Variants in CEP89 observed in about 807,000 individuals in gnomAD.
The protein encoded by CEP89 is centrosomal protein 89, also known as centrosomal protein of 89 kDa.
In CEP89, 95 loss-of-function variants were observed where a neutral mutation model predicts 97.6. That is an observed-to-expected ratio of 0.97 (90% CI 0.82 to 1.15). The LOEUF is 1.15. CEP89 is among the 50% of genes most tolerant of loss of function. The pLI, the probability that CEP89 is intolerant of heterozygous loss-of-function variation, is 0.00. For missense variants in CEP89, 869 were observed against 947.7 expected, an observed-to-expected ratio of 0.92 and a Z score of 1.09; for synonymous variants, 354 against 349.1, an observed-to-expected ratio of 1.01 and a Z score of -0.16.
chr19:32,971,033 A>G (rs181058038), intron 1 of CEP89: 1 of 152,406 alleles, frequency 6.6e-6, no homozygotes, highest in Admixed American at 6.5e-5. Flanking sequence ...AAACTAAATT[A>G]AATAATAAAT....
At chr19:32,951,275 C>G (rs1368303651) in intron 4 of CEP89, among the ~76,000 whole-genome samples, 1 of 152,078 alleles carries the variant, frequency 6.6e-6, no homozygotes, top group Non-Finnish European at 1.5e-5. Context: ...CACCTGAGGT[C>G]AGGAGTTCGA....
intron 3 of CEP89, among the ~76,000 whole-genome samples, chr19:32,957,746 G>A (rs572295281): frequency 1.4e-4 from 21 of 152,252 alleles, no homozygotes; most frequent in Admixed American, 2.6e-4. Context: ...AGAGGCAAAG[G>A]TTGCAGTGAG....
chr19:32,956,559 G>T (rs1971053661), intron 3 of CEP89, among the ~76,000 whole-genome samples: 2 of 151,610 alleles, frequency 1.3e-5, no homozygotes. Context: ...AGAGATGGGG[G>T]TCTCACTTTG....
At chr19:32,962,356 A>C (rs775326335) in intron 2 of CEP89, among the ~76,000 whole-genome samples, 5 of 152,222 alleles carry the variant, frequency 3.3e-5, no homozygotes, top group Non-Finnish European at 7.3e-5. Flanking sequence ...CCAGCCATGC[A>C]GAACTGTGAG....
At chr19:32,907,490 C>T (rs1010877914) in intron 14 of CEP89, among the ~76,000 whole-genome samples, 17 of 147,252 alleles carry the variant, frequency 1.2e-4, no homozygotes, top group African/African-American at 2.3e-4. Context: ...CTCACTTTGT[C>T]GCCCAGGCTG....
At chr19:32,962,907 A>ATGGT (rs1219196202) in intron 2 of CEP89, among the ~76,000 whole-genome samples, 2 of 152,190 alleles carry the variant, frequency 1.3e-5, no homozygotes, top group Non-Finnish European at 2.9e-5. Context: ...CCTTCCCAAG[A>ATGGT]TGGTTCTTAG....
intron 16 of CEP89, among the ~76,000 whole-genome samples, chr19:32,899,457 C>T (rs1271431830): frequency 6.6e-6 from 1 of 152,086 alleles, no homozygotes; most frequent in Non-Finnish European, 1.5e-5. Context: ...TTTTAAAATA[C>T]AGATGGTTCT....
At chr19:32,900,888 C>CTTTTTTTTTTTT (rs34188586) in intron 15 of CEP89, among the ~76,000 whole-genome samples, 1 of 138,164 alleles carries the variant, frequency 7.2e-6, no homozygotes, top group African/African-American at 2.7e-5. Flanking sequence ...CTTCATTTGT[C>CTTTTTTTTTTTT]TTTTTTTTTT....
rs768022221 is a variant in CEP89 at position 32,953,751 on chromosome 19, TCAAAGGATGG to T, written c.346_355del (p.Pro116LysfsTer53). 5.0e-6 allele frequency: 8 copies of T among 1,614,032 alleles called. No individual in the cohort carries two copies. In the African/African-American group the frequency reaches 1.1e-4, roughly 22 times the overall value. The stretch of plus-strand genomic sequence containing the variant: ...CTCTTCGTCCCCATAGTCCAGTGTT[TCAAAGGATGG>T]CAAAGAAGATCTTCTTCCCATCTCA... On this transcript the variant is annotated frameshift_variant, in exon 4 of 19. Transcript: ENST00000305768. LOFTEE classifies it high-confidence loss of function.
chr19:32,887,083 T>C (rs1003401428), intron 17 of CEP89, among the ~76,000 whole-genome samples: 5 of 151,146 alleles, frequency 3.3e-5, no homozygotes, highest in African/African-American at 9.7e-5. Flanking sequence ...CCCAGCTACT[T>C]GGGAGGCTGA....
At position 32,892,101 on chromosome 19, in the gene CEP89, T is replaced by C. The variant is rs545824311; in HGVS notation, c.1876-4260A>G. On this transcript the variant is annotated intron_variant, in intron 16 of 18. Transcript: ENST00000305768. ...AAATACAGAATTCTAAATATATATA[T>C]ATATATTTAGACATACATATATTTA... is the stretch of plus-strand genomic sequence containing the variant. Among the ~76,000 whole-genome samples the C allele has an allele frequency of 4.8e-5, 7 of 147,132 alleles. No homozygotes were observed. In the South Asian group the frequency reaches 1.5e-3, roughly 31 times the overall value.
chr19:32,922,034 T>C (rs1158831433), intron 12 of CEP89, among the ~76,000 whole-genome samples: 1 of 152,224 alleles, frequency 6.6e-6, no homozygotes, highest in African/African-American at 2.4e-5. Flanking sequence ...CTTTTAGGCT[T>C]TTCAAGACAT....
chr19:32,926,259 G>A lies in CEP89; in HGVS notation c.1095C>T (p.Tyr365=). The A allele has an allele frequency of 6.2e-7, 1 of 1,611,546 alleles. No individual in the cohort carries two copies. The highest frequency in any genetic ancestry group is 1.1e-5 in the South Asian group (1 of 91,016). ...CATAAGCCAGCAACAATGGTGACAG[G>A]TACTTTATATCCAACTGAAGATAGA... The part of the protein sequence containing the change: ...PIPPWLLDIK[Y]LSPLLLAYED... The change falls in exon 11 of 19, where the codon TAC becomes TAT. Residue 365 remains tyrosine, a synonymous_variant. Coordinates refer to ENST00000305768, the MANE Select transcript of CEP89 (RefSeq NM_032816.5).
Position 32,879,199 on chromosome 19 carries a change from C to A in CEP89, c.2315G>T (p.Cys772Phe), listed in dbSNP as rs1258087145. The change falls in exon 19 of 19, where the codon TGC becomes TTC. Residue 772 changes from cysteine to phenylalanine, a missense_variant. By Grantham distance (205) the Cys-to-Phe change is radical (BLOSUM62 -2). Coordinates refer to ENST00000305768, the MANE Select transcript of CEP89 (RefSeq NM_032816.5). ...GGCATGAGACTTCAGGTCATAGGAGCAGACATCGCAGCCGTCCAGCAGGTC... is the reference window on the plus strand; with the variant it reads ...GGCATGAGACTTCAGGTCATAGGAGAAGACATCGCAGCCGTCCAGCAGGTC... Reference protein sequence around the residue: ...QADLLDGCDVCSYDLKSHAPT... With the variant: ...QADLLDGCDVFSYDLKSHAPT... 1.2e-6 allele frequency: 2 copies of A among 1,613,944 alleles called. No homozygotes were observed. The highest frequency in any genetic ancestry group is 1.7e-6 in the Non-Finnish European group (2 of 1,179,894).
intron 14 of CEP89, among the ~76,000 whole-genome samples, chr19:32,902,037 T>G (rs1296427172): frequency 6.6e-6 from 1 of 151,520 alleles, no homozygotes; most frequent in Non-Finnish European, 1.5e-5. Flanking sequence ...TGTGTGTGTG[T>G]GTGTGTGTAT....
intron 17 of CEP89, 100 bp downstream of exon 17, chr19:32,887,652 C>G: frequency 1.4e-6 from 1 of 713,572 alleles, no homozygotes; most frequent in South Asian, 1.7e-5. Context: ...ATTAGTGATG[C>G]ACATGCAAAA....
intron 14 of CEP89, among the ~76,000 whole-genome samples, chr19:32,912,014 G>A (rs530249115): frequency 4.6e-5 from 7 of 152,066 alleles, no homozygotes; most frequent in African/African-American, 1.7e-4. Flanking sequence ...ATCACTTAAG[G>A]CCAGGAGTTC....
intron 16 of CEP89, among the ~76,000 whole-genome samples, chr19:32,896,932 C>T (rs369575719): frequency 1.3e-5 from 2 of 152,040 alleles, no homozygotes; most frequent in Non-Finnish European, 2.9e-5. Flanking sequence ...CTCAACACCA[C>T]AAATCATCAC....
At chr19:32,913,269 G>T (rs1453702850) in intron 14 of CEP89, among the ~76,000 whole-genome samples, 2 of 145,110 alleles carry the variant, frequency 1.4e-5, no homozygotes, top group African/African-American at 2.6e-5. Flanking sequence ...GATTCTTTTT[G>T]ACATGAGAAA....
Sources: gnomAD v4.1 joint callset for allele counts (sites outside exome capture counted in the v4.1 genomes callset) on GRCh38, gnomAD v4.1.1 for gene constraint, MANE v1.5 for transcripts, NCBI Gene and HGNC (gene_info 2026-07-23, HGNC 2026-07-21) for gene names.